MUC5AC: variants seen among roughly 807,000 people sequenced by gnomAD.
The protein encoded by MUC5AC is mucin-5AC.
In MUC5AC, 158 loss-of-function variants were observed where a neutral mutation model predicts 169.7. The ratio of observed to expected loss-of-function variants is 0.93; its 90% CI spans 0.82 to 1.06. The LOEUF is 1.06. MUC5AC is among the 50% of genes least tolerant of loss of function. The pLI is 0.00. For synonymous variants in MUC5AC, 1,975 were observed against 1,237.0 expected (o/e 1.60, Z -12.52); for missense variants, 4,359 against 3,089.9 (o/e 1.41, Z -9.74).
rs1437498458 is a variant in MUC5AC at position 1,185,698 on chromosome 11, C to G, written c.7553C>G (p.Ser2518Cys). 109 of 744,482 alleles carry G rather than the reference C, an allele frequency of 1.5e-4. No individual in the cohort carries two copies. The East Asian group carries it at 1.6e-3, about 11-fold the overall frequency. 46.1% of individuals were successfully genotyped at this position (744,482 alleles called of 1,614,324 possible). A position where few individuals can be genotyped will look rare whatever the true frequency, so the allele number is the denominator to read the frequency against. The change falls in exon 31 of 49, where the codon TCT becomes TGT. Residue 2518 changes from serine (S) to cysteine (C), a missense_variant. Physicochemically the swap from Ser to Cys is moderately radical, Grantham distance 112. Coordinates refer to ENST00000621226, the MANE Select transcript of MUC5AC (RefSeq NM_001304359.2). The part of the protein sequence containing the change: ...TTSAPTTSTT[S>C]ASTTSTTSGA... ...TCTGCTCCTACAACCAGCACAACCT[C>G]TGCTTCTACAACCAGCACAACCTCT...
chr11:1,164,229 A>G lies in MUC5AC; in HGVS notation c.913A>G (p.Ser305Gly). The G allele has an allele frequency of 6.2e-7, 1 of 1,612,678 alleles. No homozygotes were observed. The highest frequency in any genetic ancestry group is 8.5e-7 in the Non-Finnish European group (1 of 1,179,876). ...LCFCEDTDLLSCVCHTLAEYS... is the reference protein window; with the variant it reads ...LCFCEDTDLLGCVCHTLAEYS... Reference sequence around the variant, plus strand: ...CTTCTGTGAAGACACCGACCTGCTCAGCTGCGTCTGCCACACCCTTGCCGA... The same window carrying G: ...CTTCTGTGAAGACACCGACCTGCTCGGCTGCGTCTGCCACACCCTTGCCGA... The change falls in exon 8 of 49, where the codon AGC becomes GGC. Residue 305 changes from serine (S) to glycine (G), a missense_variant. By Grantham distance (56) the Ser-to-Gly change is moderately conservative. Transcript: ENST00000621226.
intron 16 of MUC5AC, among the ~76,000 whole-genome samples, 164 bp from the exon 17 acceptor site, chr11:1,174,332 T>C (rs1860621960): frequency 6.6e-6 from 1 of 152,248 alleles, no homozygotes; most frequent in Non-Finnish European, 1.5e-5. Context: ...CAAGCAATTC[T>C]GCTGAGGGGG....
chr11:1,179,739 T>TCTGGGCAGTGGGGC (rs1206859025), intron 26 of MUC5AC, among the ~76,000 whole-genome samples: 4 of 151,926 alleles, frequency 2.6e-5, no homozygotes, highest in African/African-American at 9.7e-5. Context: ...GGTAGAACGT[T>TCTGGGCAGTGGGGC]CTGGGCAGTG....
chr11:1,174,633 GC>G lies in MUC5AC; in HGVS notation c.2092+13del. 1 of 1,021,976 alleles carries G rather than the reference GC, an allele frequency of 9.8e-7. No homozygotes were observed. The highest frequency in any genetic ancestry group is 1.4e-6 in the Non-Finnish European group (1 of 693,406). The allele number at this position is 1,021,976 out of a possible 1,614,324, so 63.3% of individuals were successfully genotyped here. ...GGGACGGCGTCTGCAGTGAGTGCCT[GC>G]CAAGCCCAGCCCCTTTCCCTCGCTG... On this transcript the variant is annotated intron_variant, in intron 17 of 48. Coordinates refer to ENST00000621226, the MANE Select transcript of MUC5AC (RefSeq NM_001304359.2).
At position 1,185,569 on chromosome 11, in the gene MUC5AC, G is replaced by A. The variant is rs1256370564; in HGVS notation, c.7424G>A (p.Ser2475Asn). The change falls in exon 31 of 49, where the codon AGC (serine) becomes AAC (asparagine). Residue 2475 changes from serine to asparagine, a missense_variant. By Grantham distance (46) the Ser-to-Asn change is conservative. Transcript: ENST00000621226. ...TTRTTSAPKS[S>N]TTSAATTSTT... ...AGAACAACTTCTGCTCCTAAAAGCAGCACAACCTCTGCCGCTACAACCAGC... is the reference window on the plus strand; with the variant it reads ...AGAACAACTTCTGCTCCTAAAAGCAACACAACCTCTGCCGCTACAACCAGC... 8.3e-6 allele frequency: 6 copies of A among 720,742 alleles called. No homozygotes were observed. Among genetic ancestry groups the A allele is most frequent in the Non-Finnish European group, 1.0e-5 (4 of 395,318 alleles). The allele number at this position is 720,742 out of a possible 1,614,324, so 44.6% of individuals were successfully genotyped here. A position where few individuals can be genotyped will look rare whatever the true frequency, so the allele number is the denominator to read the frequency against.
Position 1,187,318 on chromosome 11 carries a change from C to A in MUC5AC, c.9173C>A (p.Thr3058Asn). 1.4e-6 allele frequency: 1 copy of A among 711,884 alleles called. No individual in the cohort carries two copies. The highest frequency in any genetic ancestry group is 2.6e-6 in the Non-Finnish European group (1 of 390,564). 44.1% of individuals were successfully genotyped at this position (711,884 alleles called of 1,614,324 possible). A position where few individuals can be genotyped will look rare whatever the true frequency, so the allele number is the denominator to read the frequency against. The stretch of plus-strand genomic sequence containing the variant: ...ACCAGCACAACCTCGGCTTCTACCA[C>A]CAGCATAACTTCTGGTCCTGGAACT... ...PQTSTTSAST[T>N]SITSGPGTTP... Residue 3058 changes from threonine (T) to asparagine (N), a missense_variant, in exon 31 of 49, where the codon ACC (threonine) becomes AAC (asparagine). Coordinates refer to ENST00000621226, the MANE Select transcript of MUC5AC (RefSeq NM_001304359.2).
In MUC5AC at chr11:1,192,500, C is replaced by G; in HGVS notation, c.14355C>G (p.Asn4785Lys). The G allele has an allele frequency of 2.6e-6, 2 of 765,072 alleles. No individual in the cohort carries two copies. The highest frequency in any genetic ancestry group is 2.4e-6 in the Non-Finnish European group (1 of 417,846). 47.4% of individuals were successfully genotyped at this position (765,072 alleles called of 1,614,324 possible). A position where few individuals can be genotyped will look rare whatever the true frequency, so the allele number is the denominator to read the frequency against. Residue 4785 changes from asparagine to lysine, a missense_variant, in exon 31 of 49, where the codon AAC becomes AAG. Coordinates refer to ENST00000621226, the MANE Select transcript of MUC5AC (RefSeq NM_001304359.2). ...VAYSTQTCFC[N>K]VADRLYPAGS... ...ACTCCACCCAAACCTGCTTCTGCAA[C>G]GTGGCTGACCGGCTCTACCCTGCAG...
chr11:1,164,919 C>T (rs1860267842), intron 9 of MUC5AC, among the ~76,000 whole-genome samples: 1 of 127,020 alleles, frequency 7.9e-6, no homozygotes, highest in Non-Finnish European at 1.6e-5. Context: ...GGCTGAGGAT[C>T]CTGTCCTGAG....
At chr11:1,173,573 CCACT>C (rs1291516256) in intron 16 of MUC5AC, among the ~76,000 whole-genome samples, 57,911 of 137,688 alleles carry the variant, frequency 0.42, 9,709 homozygotes, top group African/African-American at 0.63. Flanking sequence ...ACTCATTCAT[CCACT>C]CACTCACCCA....
intron 48 of MUC5AC, 45 bp downstream of exon 48, chr11:1,200,014 G>A: frequency 1.4e-6 from 1 of 701,382 alleles, no homozygotes; most frequent in Non-Finnish European, 2.6e-6. Context: ...TGGCTGTGGG[G>A]TGCAGTCAGG....
chr11:1,195,008 C>T lies in MUC5AC; in HGVS notation c.15191-4C>T, dbSNP rs1327372681. ...GCAGCCTGACCCCCACCGCGTCTGC[C>T]CAGGCACTTGCACCAACGACAGGAA... On this transcript the variant is annotated splice_polypyrimidine_tract_variant and splice_region_variant and intron_variant, in intron 35 of 48. Transcript: ENST00000621226. The T allele has an allele frequency of 2.7e-6, 2 of 732,640 alleles. No homozygotes were observed. The highest frequency in any genetic ancestry group is 5.0e-6 in the Non-Finnish European group (2 of 400,832). The allele number at this position is 732,640 out of a possible 1,614,324, so 45.4% of individuals were successfully genotyped here. A position where few individuals can be genotyped will look rare whatever the true frequency, so the allele number is the denominator to read the frequency against.
chr11:1,198,349 G>A (rs887057708), intron 43 of MUC5AC, 44 bp downstream of exon 43: 2 of 722,180 alleles, frequency 2.8e-6, no homozygotes, highest in Middle Eastern at 2.3e-4. Flanking sequence ...TAGGGACGGA[G>A]CTTCCCACTG....
chr11:1,178,728 G>T, intron 25 of MUC5AC, 45 bp downstream of exon 25: 1 of 1,042,262 alleles, frequency 9.6e-7, no homozygotes, highest in Non-Finnish European at 1.2e-6. Flanking sequence ...GGGGGTCATG[G>T]TGACCCAAGG....
chr11:1,167,554 C>T (rs1860371702), intron 11 of MUC5AC, among the ~76,000 whole-genome samples: 1 of 152,228 alleles, frequency 6.6e-6, no homozygotes, highest in African/African-American at 2.4e-5. Flanking sequence ...GCTCCACTGC[C>T]CTGAAACCCC....
In MUC5AC at chr11:1,189,578, T is replaced by G; in HGVS notation, c.11433T>G (p.Pro3811=). 1.6e-6 allele frequency: 1 copy of G among 608,286 alleles called. No homozygotes were observed. Among genetic ancestry groups the G allele is most frequent in the Non-Finnish European group, 2.9e-6 (1 of 341,802 alleles). 37.7% of individuals were successfully genotyped at this position (608,286 alleles called of 1,614,324 possible). ...CACAGACCAGCACAATCTCTTCCCC[T>G]ACAACCAGCACAACCTCCACTCCGC... ...STPQTSTISS[P]TTSTTSTPQT... The change falls in exon 31 of 49, where the codon CCT becomes CCG. Residue 3811 remains proline (P), a synonymous_variant. Coordinates refer to ENST00000621226, the MANE Select transcript of MUC5AC (RefSeq NM_001304359.2).
Position 1,189,379 on chromosome 11 carries a change from T to TCTCTGCCCCTACAACCAGCACAAC in MUC5AC, c.11241_11264dup (p.Thr3750_Thr3757dup), listed in dbSNP as rs1861027333. 4 of 373,822 alleles carry TCTCTGCCCCTACAACCAGCACAAC rather than the reference T, an allele frequency of 1.1e-5. No homozygotes were observed. Among genetic ancestry groups the TCTCTGCCCCTACAACCAGCACAAC allele is most frequent in the Admixed American group, 5.5e-5 (1 of 18,320 alleles). 23.2% of individuals were successfully genotyped at this position (373,822 alleles called of 1,614,324 possible). A position where few individuals can be genotyped will look rare whatever the true frequency, so the allele number is the denominator to read the frequency against. On this transcript the variant is annotated inframe_insertion, in exon 31 of 49. Transcript: ENST00000621226. ...ATCTCTGCCCCTACAACCAGCACAATCTCTGCCCCTACAACCAGCACAACC... is the reference window on the plus strand; with the variant it reads ...ATCTCTGCCCCTACAACCAGCACAATCTCTGCCCCTACAACCAGCACAACCTCTGCCCCTACAACCAGCACAACC...
chr11:1,187,812 C>T lies in MUC5AC; in HGVS notation c.9667C>T (p.His3223Tyr), dbSNP rs1246526767. The T allele has an allele frequency of 2.6e-6, 2 of 764,938 alleles. No homozygotes were observed. The highest frequency in any genetic ancestry group is 3.4e-5 in the Admixed American group (2 of 59,024). 47.4% of individuals were successfully genotyped at this position (764,938 alleles called of 1,614,324 possible). Residue 3223 changes from histidine (H) to tyrosine (Y), a missense_variant, in exon 31 of 49, where the codon CAT becomes TAT. His to Tyr is a moderately conservative substitution (Grantham distance 83). Coordinates refer to ENST00000621226, the MANE Select transcript of MUC5AC (RefSeq NM_001304359.2). Reference sequence around the variant, plus strand: ...CTCCCAACCAGTCACCAGAGACTGTCATCTCCGGTGCACCTGGACCAAGTG... The same window carrying T: ...CTCCCAACCAGTCACCAGAGACTGTTATCTCCGGTGCACCTGGACCAAGTG... ...THSQPVTRDC[H>Y]LRCTWTKWFD...
intron 35 of MUC5AC, 36 bp downstream of exon 35, chr11:1,194,706 T>C: frequency 5.6e-6 from 4 of 720,190 alleles, no homozygotes; most frequent in South Asian, 1.5e-5. Context: ...CGTCTGGCAT[T>C]CGCGGGGGCG....
intron 11 of MUC5AC, among the ~76,000 whole-genome samples, chr11:1,166,453 C>CT (rs769630917): frequency 0.048 from 5,782 of 121,472 alleles, 421 homozygotes; most frequent in African/African-American, 0.052. Flanking sequence ...CACACAGTCT[C>CT]CCACGATGAG....
Sources: allele counts gnomAD v4.1 joint callset (sites outside exome capture counted in the v4.1 genomes callset), GRCh38; gene constraint gnomAD v4.1.1; transcripts MANE v1.5; gene names NCBI Gene and HGNC (gene_info 2026-07-23, HGNC 2026-07-21).